FARS2: variants seen among roughly 807,000 people sequenced by gnomAD.
FARS2 encodes phenylalanine--tRNA ligase, mitochondrial.
Under a neutral mutation model 46.4 loss-of-function variants are expected in FARS2, and 40 were observed. The ratio of observed to expected loss-of-function variants is 0.86; its 90% CI spans 0.67 to 1.12. The LOEUF (loss-of-function observed/expected upper bound fraction) is 1.12, where lower values mean the gene tolerates loss of function less well. FARS2 is among the 50% of genes most tolerant of loss of function. The pLI is 0.00. For missense variants in FARS2, 513 were observed against 567.9 expected, an observed-to-expected ratio of 0.90 and a Z score of 0.98; for synonymous variants, 234 against 214.9, an observed-to-expected ratio of 1.09 and a Z score of -0.78.
intron 4 of FARS2, among the ~76,000 whole-genome samples, chr6:5,488,112 C>T (rs1166203114): frequency 6.6e-6 from 1 of 152,108 alleles, no homozygotes; most frequent in East Asian, 1.9e-4. Context: ...TCTCCTGTGC[C>T]CTGGAGTTCA....
chr6:5,357,694 ATAT>A (rs901042051), intron 1 of FARS2, among the ~76,000 whole-genome samples: 1 of 152,254 alleles, frequency 6.6e-6, no homozygotes, highest in African/African-American at 2.4e-5. Context: ...AGGTAGGCTA[ATAT>A]TCATTAGGAG....
intron 5 of FARS2, among the ~76,000 whole-genome samples, chr6:5,574,359 C>T (rs538292544): frequency 6.6e-6 from 1 of 152,158 alleles, no homozygotes; most frequent in South Asian, 2.1e-4. Flanking sequence ...CTCCTGACCT[C>T]GTGATCTACC....
chr6:5,439,963 G>A (rs1763749723), intron 4 of FARS2, among the ~76,000 whole-genome samples: 1 of 152,110 alleles, frequency 6.6e-6, no homozygotes, highest in African/African-American at 2.4e-5. Flanking sequence ...TGTAGGTTTT[G>A]CCTCAAGTTC....
chr6:5,770,558 C>T (rs1762981696), intron 6 of FARS2, among the ~76,000 whole-genome samples: 1 of 152,178 alleles, frequency 6.6e-6, no homozygotes, highest in Non-Finnish European at 1.5e-5. Flanking sequence ...ATGTTGGGGA[C>T]AGGGCCAGGC....
At chr6:5,426,815 G>C (rs1401409653) in intron 3 of FARS2, among the ~76,000 whole-genome samples, 1 of 152,090 alleles carries the variant, frequency 6.6e-6, no homozygotes, top group Non-Finnish European at 1.5e-5. Context: ...TAGTAGAGAT[G>C]GGGTTTCACC....
intron 5 of FARS2, among the ~76,000 whole-genome samples, chr6:5,602,670 A>AAAAGGG (rs1554114901): frequency 3.6e-5 from 5 of 137,688 alleles, no homozygotes; most frequent in Admixed American, 7.8e-5. Flanking sequence ...AAAAAAAAAA[A>AAAAGGG]GGGAACCTCC....
chr6:5,396,676 A>G (rs1760921557), intron 2 of FARS2, among the ~76,000 whole-genome samples: 1 of 152,158 alleles, frequency 6.6e-6, no homozygotes, highest in Non-Finnish European at 1.5e-5. Flanking sequence ...AGGGGAGAAA[A>G]TGGAAGGAAC....
intron 5 of FARS2, among the ~76,000 whole-genome samples, chr6:5,574,091 C>A (rs939838929): frequency 6.6e-6 from 1 of 152,164 alleles, no homozygotes; most frequent in Non-Finnish European, 1.5e-5. Context: ...ATTGCATGTG[C>A]TTCTCAACTA....
chr6:5,610,618 T>G (rs1775124002), intron 5 of FARS2, among the ~76,000 whole-genome samples: 1 of 152,180 alleles, frequency 6.6e-6, no homozygotes, highest in South Asian at 2.1e-4. Flanking sequence ...GTGGGGGCCC[T>G]GGAATCAATC....
In FARS2 at chr6:5,486,615, T is replaced by G. The variant is rs142067274; in HGVS notation, c.904+55443T>G. Among the ~76,000 whole-genome samples the G allele has an allele frequency of 7.4e-4, 113 of 152,360 alleles. No individual in the cohort carries two copies. The East Asian group carries it at 0.011, about 15-fold the overall frequency. On this transcript the variant is annotated intron_variant, in intron 4 of 6. Coordinates refer to ENST00000274680, the MANE Select transcript of FARS2 (RefSeq NM_006567.5). ...CTGTATTGATAAGCTTCTCTTTCAA[T>G]ACTAGTATATTTTGTTGCTGAACAA... is the stretch of plus-strand genomic sequence containing the variant.
intron 5 of FARS2, among the ~76,000 whole-genome samples, chr6:5,594,240 G>A (rs746251025): frequency 1.2e-4 from 19 of 152,182 alleles, no homozygotes; most frequent in Non-Finnish European, 2.6e-4. Context: ...AGTTCCCCTC[G>A]ATGAGCAGAG....
At chr6:5,340,662 G>T (rs1332979923) in intron 1 of FARS2, among the ~76,000 whole-genome samples, 1 of 152,138 alleles carries the variant, frequency 6.6e-6, no homozygotes, top group Non-Finnish European at 1.5e-5. Context: ...ATGGAAGTAG[G>T]TCTCAGGAAA....
At chr6:5,344,265 A>T (rs546860396) in intron 1 of FARS2, among the ~76,000 whole-genome samples, 20 of 152,322 alleles carry the variant, frequency 1.3e-4, no homozygotes, top group Non-Finnish European at 2.4e-4. Flanking sequence ...CCATTGCTGC[A>T]GAGGAATAGG....
chr6:5,411,038 A>G (rs1354478708), intron 3 of FARS2, among the ~76,000 whole-genome samples: 1 of 152,206 alleles, frequency 6.6e-6, no homozygotes, highest in African/African-American at 2.4e-5. Flanking sequence ...TGGATAGGAT[A>G]CAAAGAAATC....
chr6:5,445,261 T>A (rs80077136), intron 4 of FARS2, among the ~76,000 whole-genome samples: 1 of 152,196 alleles, frequency 6.6e-6, no homozygotes, highest in Non-Finnish European at 1.5e-5. Flanking sequence ...AAACTCTTGC[T>A]TCATGGGATC....
intron 4 of FARS2, among the ~76,000 whole-genome samples, chr6:5,537,598 C>G (rs571666831): frequency 2.2e-4 from 33 of 151,630 alleles, no homozygotes; most frequent in African/African-American, 7.7e-4. Context: ...CCCGGGCTTC[C>G]TCTCGAGTTG....
At chr6:5,726,355 C>G (rs937312609) in intron 6 of FARS2, among the ~76,000 whole-genome samples, 4 of 152,016 alleles carry the variant, frequency 2.6e-5, no homozygotes, top group Non-Finnish European at 4.4e-5. Flanking sequence ...GGCTGGAGCC[C>G]GCCAGTATGA....
At chr6:5,609,303 A>T (rs72819912) in intron 5 of FARS2, 262,730 of 1,088,698 alleles carry the variant, frequency 0.24, 32,656 homozygotes, top group African/African-American at 0.31. Flanking sequence ...TGGTTTGGCA[A>T]AGTATTGGCC....
intron 5 of FARS2, among the ~76,000 whole-genome samples, chr6:5,565,081 A>G (rs957651856): frequency 1.3e-5 from 2 of 152,262 alleles, no homozygotes; most frequent in Non-Finnish European, 2.9e-5. Flanking sequence ...CTATATTGCC[A>G]TAAGTTAAGA....
Sources: gnomAD v4.1 joint callset for allele counts (sites outside exome capture counted in the v4.1 genomes callset) on GRCh38, gnomAD v4.1.1 for gene constraint, MANE v1.5 for transcripts, NCBI Gene and HGNC (gene_info 2026-07-23, HGNC 2026-07-21) for gene names.